THSD7B: variants seen among roughly 807,000 people sequenced by gnomAD.
THSD7B encodes thrombospondin type-1 domain-containing protein 7B.
Under a neutral mutation model 213.6 loss-of-function variants are expected in THSD7B, and 138 were observed. The observed-to-expected ratio is 0.65, with a 90% CI of 0.56 to 0.74. THSD7B has a LOEUF of 0.74. THSD7B is among the 30% of genes least tolerant of loss of function. The pLI is 0.00. For synonymous variants in THSD7B, 742 were observed against 687.0 expected (o/e 1.08, Z -1.25); for missense variants, 1,931 against 1,991.5 (o/e 0.97, Z 0.58).
At chr2:137,383,301 T>C (rs957379438) in intron 12 of THSD7B, among the ~76,000 whole-genome samples, 1 of 151,890 alleles carries the variant, frequency 6.6e-6, no homozygotes, top group Non-Finnish European at 1.5e-5. Context: ...CATGGGGTGG[T>C]TGCACGCCAT....
chr2:136,978,566 A>G (rs10176891), intron 2 of THSD7B, among the ~76,000 whole-genome samples: 1 of 151,854 alleles, frequency 6.6e-6, no homozygotes, highest in African/African-American at 2.4e-5. Context: ...TCTCTTTTGG[A>G]TCTTTGTTAA....
At chr2:137,625,337 AG>A (rs1304856692) in intron 20 of THSD7B, among the ~76,000 whole-genome samples, 1 of 64,264 alleles carries the variant, frequency 1.6e-5, no homozygotes, top group Non-Finnish European at 2.8e-5. Context: ...GGGTGGGGGG[AG>A]GGGGGAGGGA....
At position 137,663,314 on chromosome 2, in the gene THSD7B, A is replaced by C. The variant is rs947402818; in HGVS notation, c.4459-69A>C. 5 of 1,315,852 alleles carry C rather than the reference A, an allele frequency of 3.8e-6. No individual in the cohort carries two copies. The African/African-American group carries it at 7.4e-5, about 20-fold the overall frequency. The allele number at this position is 1,315,852 out of a possible 1,614,324, so 81.5% of individuals were successfully genotyped here. Reference sequence around the variant, plus strand: ...ATAGTGCAAATATTAAGTGATTTTAACATTATATTTTTATTCATTCACCTG... The same window carrying C: ...ATAGTGCAAATATTAAGTGATTTTACCATTATATTTTTATTCATTCACCTG... On this transcript the variant is annotated intron_variant, in intron 25 of 27. Coordinates refer to ENST00000409968, the MANE Select transcript of THSD7B (RefSeq NM_001316349.2).
chr2:137,463,751 T>G (rs1292719984), intron 15 of THSD7B, among the ~76,000 whole-genome samples: 1 of 152,080 alleles, frequency 6.6e-6, no homozygotes, highest in African/African-American at 2.4e-5. Flanking sequence ...GCTGTACATG[T>G]ATATGAGGTG....
chr2:137,005,607 C>A (rs1328001451), intron 2 of THSD7B, among the ~76,000 whole-genome samples: 2 of 152,150 alleles, frequency 1.3e-5, no homozygotes, highest in African/African-American at 4.8e-5. Context: ...TCTGCAATTG[C>A]CAAGTTTCAT....
intron 2 of THSD7B, among the ~76,000 whole-genome samples, chr2:136,947,071 A>G (rs1684954885): frequency 6.6e-6 from 1 of 152,056 alleles, no homozygotes; most frequent in Non-Finnish European, 1.5e-5. Context: ...TGCATCAATC[A>G]CGCTGGGAGC....
intron 19 of THSD7B, 32 bp downstream of exon 19, chr2:137,618,539 A>G: frequency 6.3e-7 from 1 of 1,593,122 alleles, no homozygotes; most frequent in South Asian, 1.1e-5. Context: ...CTCACATCCA[A>G]GGCTTTGTTT....
At chr2:137,053,445 A>G (rs1197586940) in intron 2 of THSD7B, among the ~76,000 whole-genome samples, 2 of 152,152 alleles carry the variant, frequency 1.3e-5, no homozygotes, top group Non-Finnish European at 2.9e-5. Flanking sequence ...CTAAGCAATT[A>G]TTTGGAAAAA....
At chr2:137,474,839 CACAT>C (rs1431422316) in intron 15 of THSD7B, among the ~76,000 whole-genome samples, 1 of 152,106 alleles carries the variant, frequency 6.6e-6, no homozygotes, top group African/African-American at 2.4e-5. Flanking sequence ...ACACAAAAGC[CACAT>C]ACCACAATCT....
intron 12 of THSD7B, among the ~76,000 whole-genome samples, chr2:137,337,571 G>A (rs1684667011): frequency 6.6e-6 from 1 of 151,998 alleles, no homozygotes; most frequent in Non-Finnish European, 1.5e-5. Flanking sequence ...CATATTATGT[G>A]TGAGGTTACT....
intron 20 of THSD7B, among the ~76,000 whole-genome samples, chr2:137,631,898 A>C (rs1177261285): frequency 6.6e-6 from 1 of 152,184 alleles, no homozygotes; most frequent in Non-Finnish European, 1.5e-5. Context: ...AAAATGATGA[A>C]ATGTTAGAGG....
chr2:137,579,037 A>G (rs1208305996), intron 17 of THSD7B, among the ~76,000 whole-genome samples: 2 of 152,188 alleles, frequency 1.3e-5, no homozygotes, highest in African/African-American at 2.4e-5. Flanking sequence ...TTCAGAGAAT[A>G]TTATCTGGAT....
Position 137,645,964 on chromosome 2 carries a change from C to T in THSD7B, c.3945+3331C>T, listed in dbSNP as rs574699742. Among the ~76,000 whole-genome samples the T allele has an allele frequency of 5.5e-4, 84 of 152,206 alleles. 1 individual carries two copies. Among genetic ancestry groups the T allele is most frequent in the African/African-American group, 1.8e-3 (75 of 41,532 alleles). On this transcript the variant is annotated intron_variant, in intron 21 of 27. Transcript: ENST00000409968. Reference sequence around the variant, plus strand: ...ACTAGAATATTTGCTTTGAATAAATCTACTATGAATTGATTTTGAACTTCC... The same window carrying T: ...ACTAGAATATTTGCTTTGAATAAATTTACTATGAATTGATTTTGAACTTCC...
At chr2:136,917,586 T>C (rs150049336) in intron 2 of THSD7B, among the ~76,000 whole-genome samples, 6 of 152,296 alleles carry the variant, frequency 3.9e-5, no homozygotes, top group Admixed American at 3.9e-4. Context: ...CACATCTCTG[T>C]TATTGAGTAG....
At chr2:136,964,644 TCAAAA>T (rs1166130044) in intron 2 of THSD7B, among the ~76,000 whole-genome samples, 13 of 152,092 alleles carry the variant, frequency 8.5e-5, no homozygotes, top group East Asian at 1.9e-4. Flanking sequence ...ATCTTCCATC[TCAAAA>T]CAAAACAATA....
At chr2:137,136,630 GTAACCTCTAGTCAACAAATGGC>G (rs1679466983) in intron 5 of THSD7B, among the ~76,000 whole-genome samples, 1 of 152,132 alleles carries the variant, frequency 6.6e-6, no homozygotes, top group South Asian at 2.1e-4. Flanking sequence ...GAGTATGTGT[GTAACCTCTAGTCAACAAATGGC>G]TGTTTGGCTC....
At chr2:137,482,559 G>T (rs1688331482) in intron 15 of THSD7B, among the ~76,000 whole-genome samples, 1 of 152,142 alleles carries the variant, frequency 6.6e-6, no homozygotes, top group South Asian at 2.1e-4. Context: ...ATGAAACATA[G>T]TTTGAAAAAT....
At chr2:137,513,521 T>C (rs1354369367) in intron 15 of THSD7B, among the ~76,000 whole-genome samples, 1 of 152,210 alleles carries the variant, frequency 6.6e-6, no homozygotes, top group Non-Finnish European at 1.5e-5. Flanking sequence ...ATACATATAT[T>C]ATATGCATTT....
intron 2 of THSD7B, among the ~76,000 whole-genome samples, chr2:136,992,627 C>G (rs552490547): frequency 5.3e-5 from 8 of 152,320 alleles, no homozygotes; most frequent in Middle Eastern, 6.8e-3. Flanking sequence ...AACACACACA[C>G]TCAAGGCATG....
Sources: allele counts gnomAD v4.1 joint callset (sites outside exome capture counted in the v4.1 genomes callset), GRCh38; gene constraint gnomAD v4.1.1; transcripts MANE v1.5; gene names NCBI Gene and HGNC (gene_info 2026-07-23, HGNC 2026-07-21).